The following SCHIP1 variants were observed in gnomAD, a reference collection of about 807,000 sequenced individuals.
The protein encoded by SCHIP1 is schwannomin-interacting protein 1.
Under a neutral mutation model 29.7 loss-of-function variants are expected in SCHIP1, and 8 were observed. The observed-to-expected ratio is 0.27, with a 90% confidence interval of 0.16 to 0.49. The LOEUF (loss-of-function observed/expected upper bound fraction) is 0.49, where lower values mean the gene tolerates loss of function less well. SCHIP1 is among the 20% of genes least tolerant of loss of function. The pLI, the probability that SCHIP1 is intolerant of heterozygous loss-of-function variation, is 0.99. For missense variants in SCHIP1, 193 were observed against 294.6 expected (o/e 0.66, Z 2.52); for synonymous variants, 76 against 94.9 (o/e 0.80, Z 1.16).
At chr3:159,324,555 G>T in the SCHIP1 span, among the ~76,000 whole-genome samples, 2 of 151,916 alleles carry the variant, frequency 1.3e-5, no homozygotes, top group African/African-American at 4.8e-5. Context: ...ATTTTTAAGT[G>T]CTCCCAGGCC....
the SCHIP1 span, among the ~76,000 whole-genome samples, chr3:159,380,461 T>C: frequency 4.0e-3 from 616 of 152,358 alleles, 1 homozygote; most frequent in African/African-American, 0.014. Flanking sequence ...ATAGAACTTA[T>C]TTCTTTTCGT....
At chr3:159,498,441 T>C in the SCHIP1 span, among the ~76,000 whole-genome samples, 1 of 152,196 alleles carries the variant, frequency 6.6e-6, no homozygotes, top group South Asian at 2.1e-4. Flanking sequence ...GTCTAATCAT[T>C]TTTGTGGATA....
the SCHIP1 span, among the ~76,000 whole-genome samples, chr3:159,496,007 C>T: frequency 7.2e-5 from 11 of 152,236 alleles, no homozygotes; most frequent in African/African-American, 2.4e-4. Flanking sequence ...ATGGGGAAAG[C>T]ATTCCCTATT....
chr3:159,401,889 G>A, the SCHIP1 span, among the ~76,000 whole-genome samples: 9 of 152,260 alleles, frequency 5.9e-5, no homozygotes, highest in African/African-American at 2.2e-4. Flanking sequence ...AGTTTTCCCA[G>A]CACCATTTAT....
chr3:159,273,914 T>G, the SCHIP1 span: 1 of 1,611,368 alleles, frequency 6.2e-7, no homozygotes, highest in Non-Finnish European at 8.5e-7. Context: ...CCATCTATTT[T>G]AGGTGTATCA....
chr3:159,762,284 C>A, the SCHIP1 span, among the ~76,000 whole-genome samples: 1 of 152,200 alleles, frequency 6.6e-6, no homozygotes, highest in South Asian at 2.1e-4. Context: ...TCCAGTTATT[C>A]CTAAGATTGC....
At chr3:159,429,224 GAAA>G in the SCHIP1 span, among the ~76,000 whole-genome samples, 4 of 141,830 alleles carry the variant, frequency 2.8e-5, no homozygotes, top group African/African-American at 1.0e-4. Flanking sequence ...AATGACATAA[GAAA>G]AAAAAAAAAA....
intron 1 of SCHIP1, chr3:159,840,291 C>T (rs936277889): frequency 7.8e-6 from 10 of 1,288,194 alleles, no homozygotes; most frequent in Middle Eastern, 3.6e-4. Flanking sequence ...AGCAGGTTGC[C>T]TCTTTCCGGA....
At chr3:159,391,488 G>C in the SCHIP1 span, among the ~76,000 whole-genome samples, 1 of 152,046 alleles carries the variant, frequency 6.6e-6, no homozygotes, top group Non-Finnish European at 1.5e-5. Context: ...TAGGCGCAGT[G>C]GGGCATTTGC....
At chr3:159,720,904 G>A in the SCHIP1 span, among the ~76,000 whole-genome samples, 3 of 152,100 alleles carry the variant, frequency 2.0e-5, no homozygotes, top group African/African-American at 7.2e-5. Context: ...CCTGTTTTCA[G>A]CAGAAAGTAA....
chr3:159,317,226 C>A, the SCHIP1 span, among the ~76,000 whole-genome samples: 1 of 152,158 alleles, frequency 6.6e-6, no homozygotes, highest in African/African-American at 2.4e-5. Flanking sequence ...GTCAATCACC[C>A]CAGCCAACAC....
At chr3:159,694,002 T>G in the SCHIP1 span, among the ~76,000 whole-genome samples, 2 of 152,182 alleles carry the variant, frequency 1.3e-5, no homozygotes, top group African/African-American at 4.8e-5. Flanking sequence ...CTAGTAAATT[T>G]AGGCCCATGG....
the SCHIP1 span, among the ~76,000 whole-genome samples, chr3:159,781,441 G>T: frequency 6.6e-6 from 1 of 152,154 alleles, no homozygotes; most frequent in Non-Finnish European, 1.5e-5. Context: ...CTCCTAAAGT[G>T]CTGGGATTAT....
At chr3:159,443,338 T>C in the SCHIP1 span, among the ~76,000 whole-genome samples, 1 of 152,188 alleles carries the variant, frequency 6.6e-6, no homozygotes, top group South Asian at 2.1e-4. Context: ...CCCCTAAATA[T>C]ATGATAACCA....
At chr3:159,643,301 A>G in the SCHIP1 span, among the ~76,000 whole-genome samples, 109 of 152,238 alleles carry the variant, frequency 7.2e-4, no homozygotes, top group Non-Finnish European at 1.8e-4. Flanking sequence ...TGAATTTACC[A>G]TGCTCCAGAG....
At chr3:159,355,046 C>A in the SCHIP1 span, among the ~76,000 whole-genome samples, 1 of 152,092 alleles carries the variant, frequency 6.6e-6, no homozygotes, top group East Asian at 1.9e-4. Context: ...TCCAGGGCAG[C>A]TAGAAGGTTT....
chr3:159,879,062 A>G (rs1716178155), intron 2 of SCHIP1, among the ~76,000 whole-genome samples: 3 of 151,710 alleles, frequency 2.0e-5, no homozygotes, highest in Admixed American at 1.3e-4. Flanking sequence ...CTTTCATCCA[A>G]TCTAATAATA....
chr3:159,717,885 C>T, the SCHIP1 span, among the ~76,000 whole-genome samples: 1 of 152,180 alleles, frequency 6.6e-6, no homozygotes, highest in East Asian at 1.9e-4. Flanking sequence ...TTTTATGAGG[C>T]CAGCATCATC....
At chr3:159,857,117 G>A (rs866338757) in intron 1 of SCHIP1, among the ~76,000 whole-genome samples, 2 of 152,156 alleles carry the variant, frequency 1.3e-5, no homozygotes, top group East Asian at 1.9e-4. Context: ...TAGCCTGGTC[G>A]GTCTTAGATG....
Sources: gnomAD v4.1 joint callset for allele counts (sites outside exome capture counted in the v4.1 genomes callset) on GRCh38, gnomAD v4.1.1 for gene constraint, MANE v1.5 for transcripts, NCBI Gene and HGNC (gene_info 2026-07-23, HGNC 2026-07-21) for gene names.